Variants in ABCA13 observed in about 807,000 individuals in gnomAD.
The protein encoded by ABCA13 is ATP-binding cassette sub-family A member 13.
ABCA13 carries 476 observed loss-of-function variants against 478.7 expected under a neutral mutation model. That is an observed-to-expected ratio of 0.99 (90% confidence interval 0.92 to 1.07). The LOEUF is 1.07. ABCA13 is among the 50% of genes least tolerant of loss of function. The pLI, the probability that ABCA13 is intolerant of heterozygous loss-of-function variation, is 0.00. For missense variants in ABCA13, 6,060 were observed against 5,910.6 expected (o/e 1.03, Z -0.83); for synonymous variants, 2,252 against 2,158.9 (o/e 1.04, Z -1.20).
chr7:48,560,581 T>C (rs527245815), intron 55 of ABCA13, among the ~76,000 whole-genome samples: 1 of 152,342 alleles, frequency 6.6e-6, no homozygotes, highest in East Asian at 1.9e-4. Flanking sequence ...GGACAATCAG[T>C]AGAGGCTTCC....
chr7:48,354,302 A>C (rs2128990194), intron 31 of ABCA13, among the ~76,000 whole-genome samples: 1 of 152,110 alleles, frequency 6.6e-6, no homozygotes, highest in Admixed American at 6.5e-5. Flanking sequence ...TCACAGGAGG[A>C]GACTGGGGGT....
At chr7:48,510,194 G>A (rs62447305) in intron 50 of ABCA13, among the ~76,000 whole-genome samples, 3,391 of 152,322 alleles carry the variant, frequency 0.022, 54 homozygotes, top group Non-Finnish European at 0.034. Flanking sequence ...CCATGACTGG[G>A]TCTGTTGAAA....
chr7:48,344,691 C>G (rs1034687912), intron 29 of ABCA13, among the ~76,000 whole-genome samples: 1 of 152,076 alleles, frequency 6.6e-6, no homozygotes, highest in African/African-American at 2.4e-5. Flanking sequence ...ATGAAGCAAC[C>G]CAATAAGAGC....
chr7:48,443,462 C>T (rs563372538), intron 42 of ABCA13, among the ~76,000 whole-genome samples: 1 of 152,320 alleles, frequency 6.6e-6, no homozygotes, highest in African/African-American at 2.4e-5. Context: ...CACCATCCCT[C>T]CTCTGGAAGC....
At chr7:48,227,578 C>A (rs574527482) in intron 6 of ABCA13, 153 bp downstream of exon 6, 2 of 842,410 alleles carry the variant, frequency 2.4e-6, no homozygotes, top group East Asian at 5.3e-5. Flanking sequence ...CCTCCACGAA[C>A]GTCCCTCATC....
chr7:48,202,353 T>A (rs1400852604), intron 3 of ABCA13, among the ~76,000 whole-genome samples: 1 of 152,056 alleles, frequency 6.6e-6, no homozygotes, highest in Non-Finnish European at 1.5e-5. Context: ...AGATACAGAG[T>A]ATTGACACAA....
At chr7:48,271,190 A>G (rs1795557899) in intron 16 of ABCA13, among the ~76,000 whole-genome samples, 1 of 152,234 alleles carries the variant, frequency 6.6e-6, no homozygotes, top group African/African-American at 2.4e-5. Flanking sequence ...TAGTTCTGCA[A>G]GTGTGGATTT....
intron 29 of ABCA13, among the ~76,000 whole-genome samples, chr7:48,340,133 T>C (rs556519577): frequency 6.6e-6 from 1 of 152,094 alleles, no homozygotes; most frequent in Admixed American, 6.5e-5. Context: ...TAGACAAGAG[T>C]TTTGCTCTTG....
At chr7:48,189,510 T>A (rs1017208125) in intron 1 of ABCA13, among the ~76,000 whole-genome samples, 1 of 152,204 alleles carries the variant, frequency 6.6e-6, no homozygotes, top group Non-Finnish European at 1.5e-5. Flanking sequence ...AATAAAACAC[T>A]CTGAGATGTT....
At chr7:48,456,324 A>G (rs1457553629) in intron 43 of ABCA13, among the ~76,000 whole-genome samples, 1 of 152,242 alleles carries the variant, frequency 6.6e-6, no homozygotes, top group Non-Finnish European at 1.5e-5. Context: ...TTAGATTTAA[A>G]CAAATACATG....
At chr7:48,270,314 A>G (rs1439581605) in intron 16 of ABCA13, among the ~76,000 whole-genome samples, 1 of 152,198 alleles carries the variant, frequency 6.6e-6, no homozygotes, top group Non-Finnish European at 1.5e-5. Context: ...AGGCTGTTGT[A>G]GGAATGAACT....
intron 59 of ABCA13, among the ~76,000 whole-genome samples, chr7:48,627,612 T>A (rs943595733): frequency 6.6e-6 from 1 of 152,170 alleles, no homozygotes; most frequent in Admixed American, 6.5e-5. Context: ...TGAAAAGAAA[T>A]GGAGGAATAT....
Position 48,350,716 on chromosome 7 carries a change from T to C in ABCA13, c.10278T>C (p.Asn3426=). 6.2e-7 allele frequency: 1 copy of C among 1,613,960 alleles called. No homozygotes were observed. The highest frequency in any genetic ancestry group is 8.5e-7 in the Non-Finnish European group (1 of 1,179,852). The change falls in exon 30 of 62, where the codon AAT becomes AAC. Residue 3426 remains asparagine, a synonymous_variant. Transcript: ENST00000435803. ...RFRFLGSILV[N]LSSCVALNRF... ...GTTTCTTGGGCAGCATCTTGGTCAA[T>C]CTCTCTTCCTGCGTGGCACTGAACC...
chr7:48,488,739 C>T (rs1829571737), intron 47 of ABCA13, among the ~76,000 whole-genome samples: 2 of 151,940 alleles, frequency 1.3e-5, no homozygotes, highest in African/African-American at 4.8e-5. Context: ...CATTGTCTTT[C>T]TCTTATTTTC....
In ABCA13 at chr7:48,249,238, A is replaced by T; in HGVS notation, c.1892A>T (p.Gln631Leu). The T allele has an allele frequency of 6.2e-7, 1 of 1,612,308 alleles. No homozygotes were observed. Among genetic ancestry groups the T allele is most frequent in the Non-Finnish European group, 8.5e-7 (1 of 1,179,064 alleles). The change falls in exon 15 of 62, where the codon CAA becomes CTA. Residue 631 changes from glutamine to leucine, a missense_variant. By Grantham distance (113) the Gln-to-Leu change is moderately radical (BLOSUM62 -2). Transcript: ENST00000435803. Reference sequence around the variant, plus strand: ...ATATTTCATACACTTGAAAAAACACAATTTTTCCTGGAACAAGCATATTAT... The same window carrying T: ...ATATTTCATACACTTGAAAAAACACTATTTTTCCTGGAACAAGCATATTAT... ...TVIFHTLEKTQFFLEQAYYWK... is the reference protein window; with the variant it reads ...TVIFHTLEKTLFFLEQAYYWK...
chr7:48,467,146 A>G, intron 44 of ABCA13, 101 bp downstream of exon 44: 1 of 1,157,782 alleles, frequency 8.6e-7, no homozygotes, highest in Non-Finnish European at 1.3e-6. Context: ...TCATGTCACA[A>G]GTTTATGTTA....
intron 48 of ABCA13, among the ~76,000 whole-genome samples, chr7:48,490,911 A>G (rs758843951): frequency 1.3e-5 from 2 of 152,204 alleles, no homozygotes; most frequent in Non-Finnish European, 2.9e-5. Context: ...TTGTAATTTA[A>G]TGACCTATTG....
chr7:48,407,473 C>CAA (rs71765027), intron 39 of ABCA13, among the ~76,000 whole-genome samples: 3 of 140,190 alleles, frequency 2.1e-5, no homozygotes, highest in Admixed American at 6.9e-5. Context: ...GAGACTGTGT[C>CAA]AAAAAAAAAA....
intron 30 of ABCA13, 114 bp from the exon 31 acceptor site, chr7:48,352,066 TG>T: frequency 9.9e-7 from 1 of 1,007,372 alleles, no homozygotes; most frequent in African/African-American, 1.6e-5. Context: ...TCTGCAGGAG[TG>T]GAGGGCTGTG....
Sources: allele counts gnomAD v4.1 joint callset (sites outside exome capture counted in the v4.1 genomes callset), GRCh38; gene constraint gnomAD v4.1.1; transcripts MANE v1.5; gene names NCBI Gene and HGNC (gene_info 2026-07-23, HGNC 2026-07-21).